The following TMC7 variants were observed in gnomAD, a reference collection of about 807,000 sequenced individuals.
The protein encoded by TMC7 is transmembrane channel-like protein 7.
Under a neutral mutation model 82.9 loss-of-function variants are expected in TMC7, and 54 were observed. The observed-to-expected ratio is 0.65, with a 90% CI of 0.52 to 0.82. The LOEUF (loss-of-function observed/expected upper bound fraction) is 0.82, where lower values mean the gene tolerates loss of function less well. Ranked by LOEUF, TMC7 falls within the 40% of genes least tolerant of loss-of-function variation. The probability of loss-of-function intolerance (pLI) is 0.00; values close to 1 mark genes in which losing one functional copy is unlikely to be tolerated. For synonymous variants in TMC7, 350 were observed against 337.9 expected (o/e 1.04, Z -0.39); for missense variants, 820 against 901.2 (o/e 0.91, Z 1.15).
chr16:19,037,386 CAAA>C lies in TMC7; in HGVS notation c.1006-473_1006-471del, dbSNP rs34990574. ...CTGGCAACAGAGCGAGACTCTGTCT[CAAA>C]AAAAAAAAAAAAAAGAAAGAAAAAA... On this transcript the variant is annotated intron_variant, in intron 7 of 15. Coordinates refer to ENST00000304381, the MANE Select transcript of TMC7 (RefSeq NM_024847.4). 5.3e-3 allele frequency among the ~76,000 whole-genome samples: 70 copies of C among 13,252 alleles called. 1 individual carries two copies. Among genetic ancestry groups the C allele is most frequent in the Admixed American group, 0.01 (10 of 958 alleles). The allele number at this position is 13,252 out of a possible 152,430, so 8.7% of individuals were successfully genotyped here.
chr16:19,046,832 C>CA (rs34279699), intron 11 of TMC7, among the ~76,000 whole-genome samples: 2,353 of 123,908 alleles, frequency 0.019, 69 homozygotes, highest in African/African-American at 0.061. Flanking sequence ...GACCTTGTCT[C>CA]AAAAAAAAAA....
At chr16:19,032,777 G>A (rs567817932) in intron 6 of TMC7, among the ~76,000 whole-genome samples, 1 of 152,118 alleles carries the variant, frequency 6.6e-6, no homozygotes, top group East Asian at 1.9e-4. Flanking sequence ...ACAGGTGCAC[G>A]CCACCACGAC....
At chr16:19,018,324 G>A (rs566601060) in intron 3 of TMC7, among the ~76,000 whole-genome samples, 7 of 152,214 alleles carry the variant, frequency 4.6e-5, no homozygotes, top group East Asian at 3.9e-4. Context: ...ACAAAATACC[G>A]CAGACTGGAT....
chr16:19,026,303 T>C (rs905833786), intron 5 of TMC7, among the ~76,000 whole-genome samples: 2 of 151,722 alleles, frequency 1.3e-5, no homozygotes, highest in Admixed American at 1.3e-4. Context: ...AGTGAAACCC[T>C]GTCTCTACTA....
At position 18,984,221 on chromosome 16, in the gene TMC7, C is replaced by A. The variant is rs899861844; in HGVS notation, c.67+91C>A. 5.1e-6 allele frequency: 7 copies of A among 1,371,812 alleles called. No homozygotes were observed. The Admixed American group carries it at 2.2e-4, about 44-fold the overall frequency. The allele number at this position is 1,371,812 out of a possible 1,614,324, so 85.0% of individuals were successfully genotyped here. On this transcript the variant is annotated intron_variant, in intron 1 of 15. Transcript: ENST00000304381. ...GGGTGCTGGAGGCTCGGCCTGGCCG[C>A]TGTTCCCTCCCACCCCCGACGCCGG...
intron 8 of TMC7, among the ~76,000 whole-genome samples, chr16:19,040,007 T>G (rs1475376949): frequency 1.3e-5 from 2 of 150,100 alleles, no homozygotes; most frequent in African/African-American, 4.9e-5. Flanking sequence ...TCCCAGCTAC[T>G]CGGGAGGCTG....
intron 3 of TMC7, among the ~76,000 whole-genome samples, chr16:19,018,519 A>G (rs556068704): frequency 6.6e-6 from 1 of 152,224 alleles, no homozygotes; most frequent in East Asian, 1.9e-4. Context: ...TTGAAACCTA[A>G]TCACCTCCCA....
At chr16:19,046,038 A>C (rs1203008329) in intron 11 of TMC7, among the ~76,000 whole-genome samples, 1 of 152,174 alleles carries the variant, frequency 6.6e-6, no homozygotes, top group Non-Finnish European at 1.5e-5. Context: ...ACAACTGGAA[A>C]CTTTCAAGCA....
intron 6 of TMC7, 120 bp from the exon 7 acceptor site, chr16:19,035,556 A>G: frequency 8.5e-7 from 1 of 1,174,238 alleles, no homozygotes; most frequent in Admixed American, 1.8e-5. Flanking sequence ...AAACTTGACC[A>G]TGTCACAATG....
At chr16:18,991,225 C>T (rs1285523391) in intron 1 of TMC7, among the ~76,000 whole-genome samples, 2 of 151,926 alleles carry the variant, frequency 1.3e-5, no homozygotes, top group Non-Finnish European at 2.9e-5. Flanking sequence ...TTGGTGATGG[C>T]CTGGATATGG....
intron 2 of TMC7, among the ~76,000 whole-genome samples, chr16:19,013,758 A>T (rs950921415): frequency 1.3e-5 from 2 of 150,586 alleles, no homozygotes; most frequent in Non-Finnish European, 2.9e-5. Context: ...GCCTCAGGTG[A>T]TCCATCTGCC....
At chr16:19,060,696 G>A (rs1182830183) in intron 15 of TMC7, among the ~76,000 whole-genome samples, 1 of 152,094 alleles carries the variant, frequency 6.6e-6, no homozygotes, top group Non-Finnish European at 1.5e-5. Context: ...AGCAACCAGA[G>A]TCATCAAGTC....
chr16:19,017,828 G>T (rs1036489930), intron 3 of TMC7, among the ~76,000 whole-genome samples: 4 of 152,066 alleles, frequency 2.6e-5, no homozygotes, highest in African/African-American at 9.7e-5. Flanking sequence ...CCGCCACCTC[G>T]CCTGGCTAAT....
chr16:18,989,242 G>T (rs2038905928), intron 1 of TMC7, among the ~76,000 whole-genome samples: 1 of 152,062 alleles, frequency 6.6e-6, no homozygotes, highest in Non-Finnish European at 1.5e-5. Context: ...AGGGAGGCAG[G>T]TCTGGACAGA....
chr16:19,044,179 G>T (rs1312322346), intron 9 of TMC7, among the ~76,000 whole-genome samples: 2 of 151,732 alleles, frequency 1.3e-5, no homozygotes, highest in Non-Finnish European at 2.9e-5. Flanking sequence ...TGGTTTTTTT[G>T]TTTGTTTGTT....
chr16:19,025,965 A>T lies in TMC7; in HGVS notation c.711+2770A>T, dbSNP rs182591144. ...GTGCGTGTGTTTGTTTTGTAGAGACAGAGTTTTGCCATGTTGCCTAGGCTG... is the reference window on the plus strand; with the variant it reads ...GTGCGTGTGTTTGTTTTGTAGAGACTGAGTTTTGCCATGTTGCCTAGGCTG... On this transcript the variant is annotated intron_variant, in intron 5 of 15. Coordinates refer to ENST00000304381, the MANE Select transcript of TMC7 (RefSeq NM_024847.4). Among the ~76,000 whole-genome samples the T allele has an allele frequency of 1.6e-4, 25 of 152,038 alleles. No homozygotes were observed. The East Asian group carries it at 4.9e-3, about 30-fold the overall frequency.
chr16:19,034,111 G>T, intron 6 of TMC7, among the ~76,000 whole-genome samples: 1 of 152,204 alleles, frequency 6.6e-6, no homozygotes, highest in East Asian at 1.9e-4. Flanking sequence ...TCACTAAATA[G>T]TTAATTTAAG....
intron 4 of TMC7, among the ~76,000 whole-genome samples, chr16:19,022,373 C>A (rs1423021927): frequency 6.6e-6 from 1 of 152,160 alleles, no homozygotes; most frequent in African/African-American, 2.4e-5. Flanking sequence ...GTCATGTACC[C>A]CATGTCAATG....
chr16:19,042,157 C>T (rs867074375), intron 9 of TMC7, among the ~76,000 whole-genome samples: 6 of 151,942 alleles, frequency 3.9e-5, no homozygotes, highest in Non-Finnish European at 5.9e-5. Flanking sequence ...GGCGTGGGTT[C>T]GCTCTTTCCC....
Sources: allele counts gnomAD v4.1 joint callset (sites outside exome capture counted in the v4.1 genomes callset), GRCh38; gene constraint gnomAD v4.1.1; transcripts MANE v1.5; gene names NCBI Gene and HGNC (gene_info 2026-07-23, HGNC 2026-07-21).